RAB27B: variants seen among roughly 807,000 people sequenced by gnomAD.
The protein encoded by RAB27B is ras-related protein Rab-27B.
A neutral mutation model predicts 24.6 loss-of-function variants in RAB27B; 15 were observed. The ratio of observed to expected loss-of-function variants is 0.61; its 90% CI spans 0.41 to 0.94. The LOEUF (loss-of-function observed/expected upper bound fraction) is 0.94, where lower values mean the gene tolerates loss of function less well. Ranked by LOEUF, RAB27B falls within the 40% of genes least tolerant of loss-of-function variation. The probability of loss-of-function intolerance (pLI) is 0.00; values close to 1 mark genes in which losing one functional copy is unlikely to be tolerated. For synonymous variants in RAB27B, 105 were observed against 92.5 expected (o/e 1.14, Z -0.78); for missense variants, 261 against 266.8 (o/e 0.98, Z 0.15).
chr18:54,805,103 G>A (rs1316408359), intron 2 of RAB27B, among the ~76,000 whole-genome samples: 1 of 151,672 alleles, frequency 6.6e-6, no homozygotes, highest in East Asian at 1.9e-4. Flanking sequence ...AGGGCACTCT[G>A]AGCATCCTCC....
intron 2 of RAB27B, among the ~76,000 whole-genome samples, chr18:54,774,689 A>C (rs2145077726): frequency 6.6e-6 from 1 of 152,334 alleles, no homozygotes; most frequent in Non-Finnish European, 1.5e-5. Context: ...AAGACTGTTC[A>C]TTTTCACTTT....
At chr18:54,839,171 A>G (rs1476527001) in intron 1 of RAB27B, among the ~76,000 whole-genome samples, 2 of 152,182 alleles carry the variant, frequency 1.3e-5, no homozygotes, top group Non-Finnish European at 2.9e-5. Flanking sequence ...GACTGACAAT[A>G]AGCAACCCCG....
chr18:54,864,425 G>T (rs1365111839), intron 1 of RAB27B, among the ~76,000 whole-genome samples: 2 of 152,074 alleles, frequency 1.3e-5, no homozygotes, highest in African/African-American at 4.8e-5. Context: ...ATGATTTGCA[G>T]GTATTTTCAC....
chr18:54,886,306 C>G (rs1913133332), intron 4 of RAB27B, among the ~76,000 whole-genome samples: 1 of 152,134 alleles, frequency 6.6e-6, no homozygotes. Context: ...AGAATGTAAG[C>G]TCTTATGAGA....
chr18:54,783,481 T>TTGTGTGTGTGTGTGTG (rs34288200), intron 2 of RAB27B, among the ~76,000 whole-genome samples: 197 of 149,788 alleles, frequency 1.3e-3, no homozygotes, highest in South Asian at 8.5e-3. Flanking sequence ...GCCTATGGCT[T>TTGTGTGTGTGTGTGTG]TGTGTGTGTG....
intron 1 of RAB27B, among the ~76,000 whole-genome samples, chr18:54,863,144 A>G (rs1326590791): frequency 6.6e-6 from 1 of 152,174 alleles, no homozygotes; most frequent in African/African-American, 2.4e-5. Flanking sequence ...TCAGATGATA[A>G]TAGAATAATG....
chr18:54,770,182 C>T (rs1908497804), intron 2 of RAB27B, among the ~76,000 whole-genome samples: 1 of 152,140 alleles, frequency 6.6e-6, no homozygotes, highest in Admixed American at 6.6e-5. Flanking sequence ...ACAGGGGTTG[C>T]CAACACCTGG....
At chr18:54,803,222 C>T (rs1909665348) in intron 2 of RAB27B, among the ~76,000 whole-genome samples, 1 of 152,126 alleles carries the variant, frequency 6.6e-6, no homozygotes, top group South Asian at 2.1e-4. Context: ...GGAAAACAAG[C>T]TCTTTCAGAT....
intron 2 of RAB27B, among the ~76,000 whole-genome samples, chr18:54,721,540 T>A (rs890658150): frequency 6.6e-6 from 1 of 152,210 alleles, no homozygotes; most frequent in Non-Finnish European, 1.5e-5. Flanking sequence ...TATTTTTCAT[T>A]AATATGTATT....
chr18:54,824,465 G>A (rs372198269), upstream of RAB27B, among the ~76,000 whole-genome samples: 76 of 152,278 alleles, frequency 5.0e-4, no homozygotes, highest in South Asian at 0.015. Context: ...AGCTGAGGTA[G>A]CCATGTCACA....
At chr18:54,781,899 G>C (rs1345367755) in intron 2 of RAB27B, among the ~76,000 whole-genome samples, 1 of 152,162 alleles carries the variant, frequency 6.6e-6, no homozygotes, top group Non-Finnish European at 1.5e-5. Flanking sequence ...TTAAATGTTA[G>C]ATACCAATTA....
At chr18:54,722,442 A>G (rs1245097779) in intron 2 of RAB27B, among the ~76,000 whole-genome samples, 1 of 152,136 alleles carries the variant, frequency 6.6e-6, no homozygotes, top group African/African-American at 2.4e-5. Flanking sequence ...TGAGATGACT[A>G]CATCCACGGA....
intron 2 of RAB27B, among the ~76,000 whole-genome samples, chr18:54,752,345 T>C (rs977263725): frequency 3.9e-5 from 6 of 152,160 alleles, no homozygotes; most frequent in African/African-American, 1.4e-4. Context: ...AAACAATCCA[T>C]GCTCCAAAGA....
intron 1 of RAB27B, among the ~76,000 whole-genome samples, chr18:54,876,327 A>G (rs1172888432): frequency 6.6e-6 from 1 of 152,206 alleles, no homozygotes; most frequent in African/African-American, 2.4e-5. Context: ...CACAAAGCCT[A>G]ACCATATCAT....
At chr18:54,755,446 A>AT (rs1239693657) in intron 2 of RAB27B, among the ~76,000 whole-genome samples, 4 of 152,160 alleles carry the variant, frequency 2.6e-5, no homozygotes, top group Admixed American at 6.5e-5. Context: ...AGGGTTTTGT[A>AT]TTAAAAAATA....
chr18:54,833,522 C>G (rs974277481), intron 1 of RAB27B, among the ~76,000 whole-genome samples: 1 of 152,034 alleles, frequency 6.6e-6, no homozygotes, highest in African/African-American at 2.4e-5. Context: ...CAACTGCACC[C>G]GGCCATGAAT....
intron 2 of RAB27B, among the ~76,000 whole-genome samples, chr18:54,787,604 T>C (rs909000858): frequency 3.9e-5 from 6 of 152,042 alleles, no homozygotes; most frequent in Admixed American, 6.6e-5. Context: ...GAAGCAGAGA[T>C]AGAATTTTTA....
chr18:54,890,317 T>A lies in RAB27B; in HGVS notation c.*904T>A, dbSNP rs1913318828. The stretch of plus-strand genomic sequence containing the variant: ...GGTGTTCAGCTTCACATTTCATTTT[T>A]TCTTAGCACATGTTGATAAAATAGT... On this transcript the variant is annotated 3_prime_UTR_variant, in exon 6 of 6. Transcript: ENST00000262094. 6.6e-6 allele frequency: 1 copy of A among 152,180 alleles called. No individual in the cohort carries two copies. The highest frequency in any genetic ancestry group is 2.1e-4 in the South Asian group (1 of 4,832). The allele number at this position is 152,180 out of a possible 1,614,324, so 9.4% of individuals were successfully genotyped here. A position where few individuals can be genotyped will look rare whatever the true frequency, so the allele number is the denominator to read the frequency against.
chr18:54,858,198 A>G (rs1243536388), intron 1 of RAB27B, among the ~76,000 whole-genome samples: 1 of 152,226 alleles, frequency 6.6e-6, no homozygotes, highest in Admixed American at 6.5e-5. Flanking sequence ...GTCACATACA[A>G]TGATATATTC....
Sources: allele counts gnomAD v4.1 joint callset (sites outside exome capture counted in the v4.1 genomes callset), GRCh38; gene constraint gnomAD v4.1.1; transcripts MANE v1.5; gene names NCBI Gene and HGNC (gene_info 2026-07-23, HGNC 2026-07-21).